Variants in SCARA5 observed in about 807,000 individuals in gnomAD.
The protein encoded by SCARA5 is scavenger receptor class A member 5.
SCARA5 carries 45 observed loss-of-function variants against 46.3 expected under a neutral mutation model. That is an observed-to-expected ratio of 0.97 (90% CI 0.76 to 1.24). SCARA5 has a LOEUF of 1.24. Among genes scored for constraint, SCARA5 ranks in the 50% most tolerant of loss-of-function variants. The pLI is 0.00. For missense variants in SCARA5, 680 were observed against 689.0 expected (o/e 0.99, Z 0.15); for synonymous variants, 333 against 306.5 (o/e 1.09, Z -0.90).
At chr8:27,925,994 G>A (rs1158279812) in intron 3 of SCARA5, among the ~76,000 whole-genome samples, 3 of 152,238 alleles carry the variant, frequency 2.0e-5, no homozygotes, top group South Asian at 2.1e-4. Context: ...CTTTTACACT[G>A]TTGGTGGGAG....
intron 3 of SCARA5, among the ~76,000 whole-genome samples, chr8:27,944,132 A>G (rs1206754005): frequency 6.6e-6 from 1 of 152,242 alleles, no homozygotes; most frequent in Non-Finnish European, 1.5e-5. Flanking sequence ...ATGTCATGAA[A>G]TACAGTGAAA....
intron 3 of SCARA5, among the ~76,000 whole-genome samples, chr8:27,940,061 G>A (rs1242546211): frequency 6.6e-6 from 1 of 152,126 alleles, no homozygotes; most frequent in African/African-American, 2.4e-5. Flanking sequence ...CTATCTTTCT[G>A]GACAATTTGT....
At chr8:27,971,406 A>G (rs191649577) in intron 2 of SCARA5, among the ~76,000 whole-genome samples, 9 of 152,328 alleles carry the variant, frequency 5.9e-5, no homozygotes, top group African/African-American at 2.2e-4. Flanking sequence ...AATGTACAGG[A>G]CTTATAAATT....
At chr8:27,904,632 G>T in intron 7 of SCARA5, 146 bp downstream of exon 7, 1 of 777,248 alleles carries the variant, frequency 1.3e-6, no homozygotes, top group Non-Finnish European at 2.3e-6. Flanking sequence ...GACCAGCAGA[G>T]CCCTAAAAAA....
At chr8:27,984,797 A>G (rs34114962) in intron 2 of SCARA5, among the ~76,000 whole-genome samples, 41,524 of 151,758 alleles carry the variant, frequency 0.27, 5,909 homozygotes, top group Middle Eastern at 0.41. Flanking sequence ...CCATTCACCC[A>G]TTCATCCATC....
chr8:27,969,555 C>T lies in SCARA5; in HGVS notation c.113-3013G>A, dbSNP rs995533929. ...GGATTTTCAGGGAAGTGAAACTCTT[C>T]TGTATGATACTGTAATGGTAGATGC... On this transcript the variant is annotated intron_variant, in intron 2 of 8. Coordinates refer to ENST00000354914, the MANE Select transcript of SCARA5 (RefSeq NM_173833.6). Among the ~76,000 whole-genome samples the T allele has an allele frequency of 5.3e-5, 8 of 152,150 alleles. 1 individual carries two copies. The highest frequency in any genetic ancestry group is 1.9e-4 in the African/African-American group (8 of 41,450).
chr8:27,949,204 A>G (rs1808084593), intron 3 of SCARA5, among the ~76,000 whole-genome samples: 1 of 152,224 alleles, frequency 6.6e-6, no homozygotes, highest in South Asian at 2.1e-4. Flanking sequence ...CTTTCCAGCT[A>G]ATCTGTATTT....
chr8:27,958,374 C>G (rs1669622063), intron 3 of SCARA5, among the ~76,000 whole-genome samples: 1 of 152,188 alleles, frequency 6.6e-6, no homozygotes, highest in African/African-American at 2.4e-5. Context: ...GGCAGCCCGA[C>G]AGAGCTGAGG....
chr8:27,982,759 C>T (rs113851543), intron 2 of SCARA5, among the ~76,000 whole-genome samples: 9,343 of 152,208 alleles, frequency 0.061, 363 homozygotes, highest in Non-Finnish European at 0.093. Context: ...AGGGACAGGA[C>T]GAGCTGGAGG....
chr8:27,941,800 C>CATCATTATTATTATT (rs1554573666), intron 3 of SCARA5, among the ~76,000 whole-genome samples: 3 of 135,312 alleles, frequency 2.2e-5, no homozygotes, highest in African/African-American at 2.8e-5. Context: ...TTTACATCAT[C>CATCATTATTATTATT]ATTATTATTA....
Position 27,904,771 on chromosome 8 carries a change from T to C in SCARA5, c.1153+7A>G, listed in dbSNP as rs1206708016. On this transcript the variant is annotated splice_region_variant and intron_variant, in intron 7 of 8. Coordinates refer to ENST00000354914, the MANE Select transcript of SCARA5 (RefSeq NM_173833.6). ...CATATCCCACGGCCCCAGCAGAATG[T>C]CCTTACTGGCATCCCCAGCTCTGTC... is the stretch of plus-strand genomic sequence containing the variant. 2 of 1,613,266 alleles carry C rather than the reference T, an allele frequency of 1.2e-6. No individual in the cohort carries two copies. The highest frequency in any genetic ancestry group is 1.7e-6 in the Non-Finnish European group (2 of 1,179,290).
At chr8:27,873,293 C>A (rs1456528709) in intron 8 of SCARA5, among the ~76,000 whole-genome samples, 2 of 152,138 alleles carry the variant, frequency 1.3e-5, no homozygotes, top group African/African-American at 4.8e-5. Context: ...AAAACTTTTG[C>A]TGCCCCAACA....
chr8:27,886,377 A>G (rs1806895306), intron 7 of SCARA5, among the ~76,000 whole-genome samples: 1 of 152,222 alleles, frequency 6.6e-6, no homozygotes, highest in South Asian at 2.1e-4. Context: ...TCCACTTCAC[A>G]GAGCATGGCC....
chr8:27,991,608 G>A (rs2129996115), intron 1 of SCARA5, among the ~76,000 whole-genome samples: 1 of 152,204 alleles, frequency 6.6e-6, no homozygotes, highest in East Asian at 1.9e-4. Flanking sequence ...ACTCTGCAGG[G>A]TTTATGGCTT....
At chr8:27,959,141 G>A (rs1040301662) in intron 3 of SCARA5, among the ~76,000 whole-genome samples, 24 of 152,174 alleles carry the variant, frequency 1.6e-4, no homozygotes, top group African/African-American at 5.8e-4. Context: ...GCGGAGGCAG[G>A]AGAATCGCTT....
chr8:27,952,860 A>C (rs1808150503), intron 3 of SCARA5, among the ~76,000 whole-genome samples: 1 of 152,174 alleles, frequency 6.6e-6, no homozygotes, highest in African/African-American at 2.4e-5. Context: ...TTCCTTTTGG[A>C]ACCAAGCACA....
intron 3 of SCARA5, among the ~76,000 whole-genome samples, chr8:27,937,458 C>T (rs1807876178): frequency 1.3e-5 from 2 of 152,318 alleles, no homozygotes; most frequent in Non-Finnish European, 2.9e-5. Context: ...GCCCCAGTTG[C>T]CACAGTGGGG....
intron 3 of SCARA5, among the ~76,000 whole-genome samples, chr8:27,931,627 CT>C (rs1396774970): frequency 6.6e-6 from 1 of 152,088 alleles, no homozygotes; most frequent in Non-Finnish European, 1.5e-5. Context: ...AAGGAAACAG[CT>C]TTTTTCCTGC....
At chr8:27,973,480 T>C (rs1490315025) in intron 2 of SCARA5, among the ~76,000 whole-genome samples, 1 of 152,042 alleles carries the variant, frequency 6.6e-6, no homozygotes, top group Non-Finnish European at 1.5e-5. Flanking sequence ...CTGTCTCAAA[T>C]AAATAAATTA....
Sources: gnomAD v4.1 joint callset for allele counts (sites outside exome capture counted in the v4.1 genomes callset) on GRCh38, gnomAD v4.1.1 for gene constraint, MANE v1.5 for transcripts, NCBI Gene and HGNC (gene_info 2026-07-23, HGNC 2026-07-21) for gene names.